Variants in SPAG1 observed in about 807,000 individuals in gnomAD.
SPAG1 encodes sperm-associated antigen 1.
SPAG1 carries 69 observed loss-of-function variants against 100.5 expected under a neutral mutation model. The observed-to-expected ratio is 0.69, with a 90% confidence interval of 0.57 to 0.84. The LOEUF is 0.84. Among genes scored for constraint, SPAG1 ranks in the 40% least tolerant of loss-of-function variants. The pLI is 0.00. For missense variants in SPAG1, 955 were observed against 1,133.1 expected, an observed-to-expected ratio of 0.84 and a Z score of 2.26; for synonymous variants, 336 against 411.6, an observed-to-expected ratio of 0.82 and a Z score of 2.22.
intron 17 of SPAG1, 69 bp from the exon 18 acceptor site, chr8:100,240,334 A>G: frequency 1.4e-6 from 2 of 1,423,700 alleles, no homozygotes; most frequent in South Asian, 1.4e-5. Context: ...TCATTCTGAC[A>G]GACGTACTTA....
chr8:100,230,311 C>G (rs1818709607), intron 14 of SPAG1, among the ~76,000 whole-genome samples: 1 of 152,210 alleles, frequency 6.6e-6, no homozygotes, highest in African/African-American at 2.4e-5. Context: ...ATATTTGTAT[C>G]CCATTTCATT....
intron 3 of SPAG1, among the ~76,000 whole-genome samples, chr8:100,166,231 G>C (rs989168615): frequency 1.1e-4 from 17 of 152,162 alleles, no homozygotes; most frequent in African/African-American, 3.9e-4. Context: ...TCAATAAATA[G>C]TGCTGTATAA....
In SPAG1 at chr8:100,191,508, A is replaced by G; in HGVS notation, c.939+12A>G. 1 of 1,554,520 alleles carries G rather than the reference A, an allele frequency of 6.4e-7. No homozygotes were observed. Among genetic ancestry groups the G allele is most frequent in the Non-Finnish European group, 8.9e-7 (1 of 1,128,174 alleles). ...ATGATTTGGCCAAGGTAAGTATAGAATGTGATTTCTCACCTAATTCTGTAG... is the reference window on the plus strand; with the variant it reads ...ATGATTTGGCCAAGGTAAGTATAGAGTGTGATTTCTCACCTAATTCTGTAG... On this transcript the variant is annotated intron_variant, in intron 9 of 18. Coordinates refer to ENST00000388798, the MANE Select transcript of SPAG1 (RefSeq NM_003114.5).
At chr8:100,225,470 C>T (rs1818468125) in intron 14 of SPAG1, 131 bp downstream of exon 14, 1 of 778,280 alleles carries the variant, frequency 1.3e-6, no homozygotes, top group Non-Finnish European at 2.0e-6. Context: ...CCTGTTCTCC[C>T]TATTTTATTA....
chr8:100,213,541 C>T (rs975713608), intron 11 of SPAG1, 113 bp downstream of exon 11: 1 of 855,218 alleles, frequency 1.2e-6, no homozygotes, highest in African/African-American at 1.8e-5. Context: ...GCGCCGGCAT[C>T]GCTGCATTCC....
chr8:100,212,332 T>A (rs1398986509), intron 10 of SPAG1, among the ~76,000 whole-genome samples: 1 of 152,214 alleles, frequency 6.6e-6, no homozygotes, highest in Non-Finnish European at 1.5e-5. Context: ...ATCTCTATAT[T>A]TAAGTACTTT....
At chr8:100,233,756 AAATAATGATTT>A (rs1818882645) in intron 16 of SPAG1, among the ~76,000 whole-genome samples, 1 of 152,224 alleles carries the variant, frequency 6.6e-6, no homozygotes, top group South Asian at 2.1e-4. Context: ...TCCAGCTCCA[AAATAATGATTT>A]ATTCTCTAGT....
At chr8:100,165,568 C>A (rs774211620) in intron 2 of SPAG1, 6 of 423,448 alleles carry the variant, frequency 1.4e-5, no homozygotes, top group South Asian at 1.4e-4. Flanking sequence ...CCCCACTCAC[C>A]CTTATCCAGT....
At chr8:100,211,474 A>C (rs1045015879) in intron 10 of SPAG1, among the ~76,000 whole-genome samples, 2 of 152,160 alleles carry the variant, frequency 1.3e-5, no homozygotes, top group East Asian at 3.9e-4. Flanking sequence ...TGGACAACAT[A>C]GCAAGGCCTC....
intron 9 of SPAG1, among the ~76,000 whole-genome samples, chr8:100,193,776 T>G (rs1398551978): frequency 1.3e-5 from 2 of 152,204 alleles, no homozygotes. Flanking sequence ...AAACAGCGTA[T>G]GTAGCATGAT....
At chr8:100,176,788 A>G (rs1259700811) in intron 3 of SPAG1, among the ~76,000 whole-genome samples, 1 of 150,270 alleles carries the variant, frequency 6.7e-6, no homozygotes, top group Non-Finnish European at 1.5e-5. Context: ...CAGTGATGCA[A>G]TGATGGCCTC....
chr8:100,195,039 C>T (rs1816973017), intron 10 of SPAG1, among the ~76,000 whole-genome samples: 1 of 151,860 alleles, frequency 6.6e-6, no homozygotes. Flanking sequence ...ATGGCATGCA[C>T]CTGTAACCCC....
chr8:100,203,793 T>C (rs995965946), intron 10 of SPAG1, among the ~76,000 whole-genome samples: 6 of 152,166 alleles, frequency 3.9e-5, no homozygotes, highest in Non-Finnish European at 8.8e-5. Flanking sequence ...AAGATTGCCC[T>C]GAGTGAGAGT....
chr8:100,240,073 C>T (rs527281265), intron 17 of SPAG1, among the ~76,000 whole-genome samples: 1 of 151,858 alleles, frequency 6.6e-6, no homozygotes, highest in Non-Finnish European at 1.5e-5. Flanking sequence ...TTAGGAGAAT[C>T]GAGCAATGTA....
intron 16 of SPAG1, among the ~76,000 whole-genome samples, chr8:100,234,116 A>G (rs1563815640): frequency 2.6e-5 from 4 of 152,242 alleles, no homozygotes; most frequent in Admixed American, 1.3e-4. Context: ...ATTCTTCTGC[A>G]TGGAAATCCT....
At chr8:100,209,224 G>A (rs556088344) in intron 10 of SPAG1, among the ~76,000 whole-genome samples, 150 of 151,906 alleles carry the variant, frequency 9.9e-4, no homozygotes, top group African/African-American at 3.4e-3. Context: ...GGCTCTCCTT[G>A]CACCTCAAGC....
At chr8:100,222,934 TC>T (rs1247206111) in intron 13 of SPAG1, among the ~76,000 whole-genome samples, 2 of 152,196 alleles carry the variant, frequency 1.3e-5, no homozygotes, top group African/African-American at 4.8e-5. Context: ...CATTTTCCTT[TC>T]CCCCCAGCCC....
In SPAG1 at chr8:100,213,331, C is replaced by T. The variant is rs2514681; in HGVS notation, c.1338C>T (p.Ala446=). The T allele has an allele frequency of 9.8e-5, 128 of 1,311,468 alleles. No individual in the cohort carries two copies. The African/African-American group carries it at 1.3e-3, about 13-fold the overall frequency. 81.2% of individuals were successfully genotyped at this position (1,311,468 alleles called of 1,614,324 possible). The change falls in exon 11 of 19, where the codon GCC becomes GCT. Residue 446 remains alanine (A), a synonymous_variant. Coordinates refer to ENST00000388798, the MANE Select transcript of SPAG1 (RefSeq NM_003114.5). ...PGGGQGAENP[A]GLKSQGNELF... ...GCGGGCAGGGCGCGGAGAACCCTGC[C>T]GGCCTGAAGAGCCAGGGCAACGAGC...
chr8:100,213,796 A>G (rs1563801259), intron 11 of SPAG1, 23 bp from the exon 12 acceptor site: 1 of 1,376,500 alleles, frequency 7.3e-7, no homozygotes, highest in African/African-American at 1.4e-5. Context: ...TTTTAACTGT[A>G]TTTAATTAAA....
Sources: gnomAD v4.1 joint callset for allele counts (sites outside exome capture counted in the v4.1 genomes callset) on GRCh38, gnomAD v4.1.1 for gene constraint, MANE v1.5 for transcripts, NCBI Gene and HGNC (gene_info 2026-07-23, HGNC 2026-07-21) for gene names.